Variants in FAM237A observed in about 807,000 individuals in gnomAD.
FAM237A encodes the protein protein FAM237A.
A neutral mutation model predicts 12.5 loss-of-function variants in FAM237A; 14 were observed. The ratio of observed to expected loss-of-function variants is 1.12; its 90% CI spans 0.74 to 1.75. The LOEUF (loss-of-function observed/expected upper bound fraction) is 1.75, where lower values mean the gene tolerates loss of function less well. Ranked by LOEUF, FAM237A falls within the 40% of genes most tolerant of loss-of-function variation. The pLI, the probability that FAM237A is intolerant of heterozygous loss-of-function variation, is 0.00. For synonymous variants in FAM237A, 85 were observed against 77.5 expected, an observed-to-expected ratio of 1.10 and a Z score of -0.51; for missense variants, 240 against 211.7, an observed-to-expected ratio of 1.13 and a Z score of -0.83.
At chr2:206,647,632 G>GACACACACACACACAC (rs34672675) in intron 2 of FAM237A, among the ~76,000 whole-genome samples, 213 of 139,632 alleles carry the variant, frequency 1.5e-3, no homozygotes, top group East Asian at 4.0e-3. Context: ...GAGACACACA[G>GACACACACACACACAC]ACACACACAC....
intron 2 of FAM237A, 92 bp downstream of exon 2, chr2:206,644,740 T>A (rs1699296491): frequency 1.6e-6 from 2 of 1,223,686 alleles, no homozygotes; most frequent in African/African-American, 3.1e-5. Context: ...ATTAGGGGAA[T>A]CCAGTGTCAT....
rs148410179 is a variant in FAM237A, at chr2:206,647,352, C to T, written c.413-1309C>T. On this transcript the variant is annotated intron_variant, in intron 2 of 2. Transcript: ENST00000441223. ...CCTGGAAGAGCTTCACCCCAAGGAC[C>T]GTTGACTGAGCTGGATGATGACCTG... Among the ~76,000 whole-genome samples the T allele has an allele frequency of 1.2e-3, 188 of 152,146 alleles. 1 individual carries two copies. Among genetic ancestry groups the T allele is most frequent in the Non-Finnish European group, 4.7e-4 (32 of 67,992 alleles).
At position 206,643,751 on chromosome 2, in the gene FAM237A, T is replaced by A. The variant is rs552925773; in HGVS notation, c.-10-476T>A. Reference sequence around the variant, plus strand: ...CATTTGACAATTCTGATGTATTTTTTAAAAAAATTAAAAGTCACAGTGAAC... The same window carrying A: ...CATTTGACAATTCTGATGTATTTTTAAAAAAAATTAAAAGTCACAGTGAAC... On this transcript the variant is annotated intron_variant, in intron 1 of 2. Coordinates refer to ENST00000441223, the MANE Select transcript of FAM237A (RefSeq NM_001102659.3). 4.7e-4 allele frequency among the ~76,000 whole-genome samples: 72 copies of A among 152,246 alleles called. 1 individual carries two copies. Among genetic ancestry groups the A allele is most frequent in the Middle Eastern group, 3.4e-3 (1 of 294 alleles).
intron 2 of FAM237A, among the ~76,000 whole-genome samples, chr2:206,648,313 A>T (rs1262220565): frequency 6.6e-6 from 1 of 152,224 alleles, no homozygotes; most frequent in African/African-American, 2.4e-5. Flanking sequence ...GGTTATCTCT[A>T]GGAGGTTACA....
At position 206,643,820 on chromosome 2, in the gene FAM237A, A is replaced by G. The variant is rs115079523; in HGVS notation, c.-10-407A>G. 8.2e-3 allele frequency among the ~76,000 whole-genome samples: 1,248 copies of G among 152,334 alleles called. 20 individuals carry two copies. Among genetic ancestry groups the G allele is most frequent in the African/African-American group, 0.029 (1,189 of 41,576 alleles). ...TAAATATATTTAAATTCTTAATTATATATAAGTCCTAGATTAGGAGAGCCA... is the reference window on the plus strand; with the variant it reads ...TAAATATATTTAAATTCTTAATTATGTATAAGTCCTAGATTAGGAGAGCCA... On this transcript the variant is annotated intron_variant, in intron 1 of 2. Coordinates refer to ENST00000441223, the MANE Select transcript of FAM237A (RefSeq NM_001102659.3).
chr2:206,648,753 A>C lies in FAM237A; in HGVS notation c.505A>C (p.Ser169Arg). The change falls in exon 3 of 3, where the codon AGT (serine) becomes CGT (arginine). Residue 169 changes from serine (S) to arginine (R), a missense_variant. Coordinates refer to ENST00000441223, the MANE Select transcript of FAM237A (RefSeq NM_001102659.3). ...ISMHVRRSGSSVIGKVNLEIK... is the reference protein window; with the variant it reads ...ISMHVRRSGSRVIGKVNLEIK... ...CATGCATGTGCGTAGGAGTGGGTCTAGTGTCATTGGAAAAGTGAACCTGGA... is the reference window on the plus strand; with the variant it reads ...CATGCATGTGCGTAGGAGTGGGTCTCGTGTCATTGGAAAAGTGAACCTGGA... The C allele has an allele frequency of 6.4e-7, 1 of 1,553,724 alleles. No individual in the cohort carries two copies. The highest frequency in any genetic ancestry group is 8.7e-7 in the Non-Finnish European group (1 of 1,148,148).
chr2:206,644,596 A>G lies in FAM237A; in HGVS notation c.360A>G (p.Gly120=). ...GCTTAGGAAGGAGGCAATTGGTTGG[A>G]GAGGAAGAGAAAATCTCAGCAGCGC... The part of the protein sequence containing the change: ...NHGLGRRQLV[G]EEEKISAAQP... The change falls in exon 2 of 3, where the codon GGA becomes GGG. Residue 120 remains glycine, a synonymous_variant. Coordinates refer to ENST00000441223, the MANE Select transcript of FAM237A (RefSeq NM_001102659.3). 1 of 1,608,218 alleles carries G rather than the reference A, an allele frequency of 6.2e-7. No individual in the cohort carries two copies. The highest frequency in any genetic ancestry group is 8.5e-7 in the Non-Finnish European group (1 of 1,177,858).
intron 2 of FAM237A, among the ~76,000 whole-genome samples, chr2:206,645,985 G>A (rs557902364): frequency 3.3e-5 from 5 of 152,002 alleles, no homozygotes; most frequent in African/African-American, 1.2e-4. Flanking sequence ...AGGATGGTCT[G>A]TAGGGCCTTT....
rs1369959513 is a variant in FAM237A at position 206,642,664 on chromosome 2, C to T, written c.-11+82C>T. On this transcript the variant is annotated intron_variant, in intron 1 of 2. Transcript: ENST00000441223. The surrounding 1 kb of genome is among the most constrained non-coding windows in gnomAD (Gnocchi z 5.1). ...GAGGCTGCGCAATCAAGTGCGGGGCCGAGACTCAGCGCGGGGCTCGTAGCG... is the reference window on the plus strand; with the variant it reads ...GAGGCTGCGCAATCAAGTGCGGGGCTGAGACTCAGCGCGGGGCTCGTAGCG... 1.3e-5 allele frequency: 2 copies of T among 152,566 alleles called. No homozygotes were observed. Among genetic ancestry groups the T allele is most frequent in the African/African-American group, 2.4e-5 (1 of 41,464 alleles). 9.5% of individuals were successfully genotyped at this position (152,566 alleles called of 1,614,324 possible).
intron 2 of FAM237A, among the ~76,000 whole-genome samples, chr2:206,647,271 G>A (rs564796130): frequency 6.6e-6 from 1 of 152,168 alleles, no homozygotes; most frequent in Admixed American, 6.5e-5. Context: ...CCAATGTACT[G>A]TGATTCTATA....
At position 206,644,605 on chromosome 2, in the gene FAM237A, G is replaced by GA. The variant is rs1443052521; in HGVS notation, c.373dup (p.Ile125AsnfsTer12). 1 of 1,606,084 alleles carries GA rather than the reference G, an allele frequency of 6.2e-7. No individual in the cohort carries two copies. The highest frequency in any genetic ancestry group is 8.5e-7 in the Non-Finnish European group (1 of 1,176,982). ...GGAGGCAATTGGTTGGAGAGGAAGAGAAAATCTCAGCAGCGCAGCCACAGC... is the reference window on the plus strand; with the variant it reads ...GGAGGCAATTGGTTGGAGAGGAAGAGAAAAATCTCAGCAGCGCAGCCACAGC... On this transcript the variant is annotated frameshift_variant, in exon 2 of 3. Transcript: ENST00000441223. LOFTEE classifies it high-confidence loss of function.
rs149355306 is a variant in FAM237A, at chr2:206,649,186, C to G, written c.*392C>G. Among the ~76,000 whole-genome samples, 647 of 152,254 alleles carry G rather than the reference C, an allele frequency of 4.2e-3. 3 individuals carry two copies. Among genetic ancestry groups the G allele is most frequent in the Non-Finnish European group, 7.8e-3 (529 of 68,002 alleles). On this transcript the variant is annotated 3_prime_UTR_variant, in exon 3 of 3. Transcript: ENST00000441223. ...GACTTCAACCACTGGATTGCTTATG[C>G]ACAGGCACATAAGGGACTACATTTT...
chr2:206,646,061 G>A (rs1214880758), intron 2 of FAM237A, among the ~76,000 whole-genome samples: 1 of 151,986 alleles, frequency 6.6e-6, no homozygotes, highest in Admixed American at 6.6e-5. Flanking sequence ...CCAGCACTTT[G>A]GGAGGCCAAG....
At chr2:206,648,369 A>G (rs1308266251) in intron 2 of FAM237A, among the ~76,000 whole-genome samples, 1 of 152,138 alleles carries the variant, frequency 6.6e-6, no homozygotes, top group Admixed American at 6.5e-5. Context: ...ATATAAAAAT[A>G]TATAATGACT....
At position 206,642,831 on chromosome 2, in the gene FAM237A, C is replaced by T. The variant is rs13016919; in HGVS notation, c.-11+249C>T. On this transcript the variant is annotated intron_variant, in intron 1 of 2. Coordinates refer to ENST00000441223, the MANE Select transcript of FAM237A (RefSeq NM_001102659.3). This position sits in a 1 kb window ranked among gnomAD's most constrained non-coding sequence, Gnocchi z 5.1. ...CCAGCAGACAGGGAGTCCCGGATAA[C>T]GCCAACTTCAGTACCTTGGACAGAG... Among the ~76,000 whole-genome samples the T allele has an allele frequency of 0.096, 14,567 of 152,300 alleles. 871 individuals carry two copies. The highest frequency in any genetic ancestry group is 0.13 in the Non-Finnish European group (9,097 of 68,006).
rs141404271 is a variant in FAM237A, at chr2:206,645,811, T to A, written c.412+1163T>A. ...TTATTGTAACTCAAACCAATTTCATTTTTAGAGGAAATATTCTTTCAGCAG... is the reference window on the plus strand; with the variant it reads ...TTATTGTAACTCAAACCAATTTCATATTTAGAGGAAATATTCTTTCAGCAG... On this transcript the variant is annotated intron_variant, in intron 2 of 2. Coordinates refer to ENST00000441223, the MANE Select transcript of FAM237A (RefSeq NM_001102659.3). Among the ~76,000 whole-genome samples, 9 of 152,348 alleles carry A rather than the reference T, an allele frequency of 5.9e-5. No homozygotes were observed. The East Asian group carries it at 1.3e-3, about 23-fold the overall frequency.
rs1699349811 is a variant in FAM237A, at chr2:206,648,763, G to A, written c.515G>A (p.Gly172Glu). The change falls in exon 3 of 3, where the codon GGA becomes GAA. Residue 172 changes from glycine (G) to glutamate (E), a missense_variant. Transcript: ENST00000441223. The part of the protein sequence containing the change: ...HVRRSGSSVI[G>E]KVNLEIKRK ...CGTAGGAGTGGGTCTAGTGTCATTGGAAAAGTGAACCTGGAAATAAAGAGA... is the reference window on the plus strand; with the variant it reads ...CGTAGGAGTGGGTCTAGTGTCATTGAAAAAGTGAACCTGGAAATAAAGAGA... 6.5e-7 allele frequency: 1 copy of A among 1,544,792 alleles called. No individual in the cohort carries two copies.
At position 206,648,845 on chromosome 2, in the gene FAM237A, A is replaced by G. The variant is rs1237543952; in HGVS notation, c.*51A>G. On this transcript the variant is annotated 3_prime_UTR_variant, in exon 3 of 3. Coordinates refer to ENST00000441223, the MANE Select transcript of FAM237A (RefSeq NM_001102659.3). Reference sequence around the variant, plus strand: ...TTGGAATTAAATATACATATATATAACATTTTTCTTAACTATTGATTATTT... The same window carrying G: ...TTGGAATTAAATATACATATATATAGCATTTTTCTTAACTATTGATTATTT... 1.5e-6 allele frequency: 2 copies of G among 1,320,594 alleles called. No homozygotes were observed. Among genetic ancestry groups the G allele is most frequent in the Non-Finnish European group, 1.0e-6 (1 of 1,004,074 alleles). The allele number at this position is 1,320,594 out of a possible 1,614,324, so 81.8% of individuals were successfully genotyped here.
At chr2:206,646,200 G>A (rs1213432009) in intron 2 of FAM237A, among the ~76,000 whole-genome samples, 1 of 149,950 alleles carries the variant, frequency 6.7e-6, no homozygotes, top group Non-Finnish European at 1.5e-5. Flanking sequence ...CTACTCGGGA[G>A]GCTGAGGCAG....
Sources: gnomAD v4.1 joint callset for allele counts (sites outside exome capture counted in the v4.1 genomes callset) on GRCh38, gnomAD v4.1.1 for gene constraint, Gnocchi (gnomAD v3.1) non-coding constraint, MANE v1.5 for transcripts, NCBI Gene and HGNC (gene_info 2026-07-23, HGNC 2026-07-21) for gene names.